The following DHRS12 variants were observed in gnomAD, a reference collection of about 807,000 sequenced individuals.
DHRS12 encodes dehydrogenase/reductase 12, also known as dehydrogenase/reductase SDR family member 12.
In DHRS12, 29 loss-of-function variants were observed where a neutral mutation model predicts 32.1. The ratio of observed to expected loss-of-function variants is 0.90; its 90% CI spans 0.67 to 1.23. The LOEUF (loss-of-function observed/expected upper bound fraction) is 1.23. Ranked by LOEUF, DHRS12 falls within the 50% of genes most tolerant of loss-of-function variation. The pLI is 0.00. For missense variants in DHRS12, 330 were observed against 337.2 expected, an observed-to-expected ratio of 0.98 and a Z score of 0.17; for synonymous variants, 150 against 135.9, an observed-to-expected ratio of 1.10 and a Z score of -0.72.
intron 1 of DHRS12, among the ~76,000 whole-genome samples, chr13:51,801,036 TTG>T (rs1168751979): frequency 6.6e-6 from 1 of 152,184 alleles, no homozygotes; most frequent in Non-Finnish European, 1.5e-5. Context: ...CTGTGCCATC[TTG>T]TGTGTTGATT....
At chr13:51,781,477 CAT>C (rs746283657) in intron 4 of DHRS12, among the ~76,000 whole-genome samples, 22 of 152,164 alleles carry the variant, frequency 1.4e-4, no homozygotes, top group South Asian at 4.1e-4. Flanking sequence ...AGGCATTACA[CAT>C]GTTACTACGT....
At chr13:51,767,321 C>CTTGA (rs1329549624), downstream of DHRS12, 23 of 152,354 alleles carry the variant, frequency 1.5e-4, 1 homozygote, top group African/African-American at 5.3e-4. Flanking sequence ...CTGGTGCTTG[C>CTTGA]TTGATAGCGC....
downstream of DHRS12, chr13:51,765,499 TA>T (rs1325074930): frequency 1.3e-5 from 2 of 152,204 alleles, no homozygotes. Context: ...AAAGGGAGAT[TA>T]AAGGCTTGAG....
chr13:51,798,983 AG>A (rs1955632167), intron 2 of DHRS12, among the ~76,000 whole-genome samples: 1 of 152,228 alleles, frequency 6.6e-6, no homozygotes, highest in African/African-American at 2.4e-5. Flanking sequence ...AGTCAAGCTT[AG>A]GGGAGGGAAG....
At chr13:51,758,406 C>G in the DHRS12 span, 7 of 752,396 alleles carry the variant, frequency 9.3e-6, no homozygotes, top group East Asian at 2.1e-4. Flanking sequence ...CCTTGGGTAG[C>G]CGGCCATGGT....
At chr13:51,769,344 TG>T (rs1198684452) in intron 7 of DHRS12, 51 bp from the exon 8 acceptor site, 3 of 1,343,164 alleles carry the variant, frequency 2.2e-6, no homozygotes, top group Non-Finnish European at 2.9e-6. Context: ...CCAGCAAATG[TG>T]GTTGACTTCC....
chr13:51,786,988 G>T (rs1195707387), intron 4 of DHRS12, among the ~76,000 whole-genome samples: 9 of 152,198 alleles, frequency 5.9e-5, no homozygotes, highest in Non-Finnish European at 1.0e-4. Context: ...TCCTGCTGAA[G>T]AATGACAGCA....
chr13:51,768,409 C>T (rs1953849951), intron 8 of DHRS12, 113 bp from the exon 9 acceptor site: 2 of 1,490,638 alleles, frequency 1.3e-6, no homozygotes, highest in African/African-American at 2.8e-5. Context: ...CAGCACCCTA[C>T]AGCTGTTAGA....
chr13:51,756,016 C>T, the DHRS12 span, among the ~76,000 whole-genome samples: 1 of 151,452 alleles, frequency 6.6e-6, no homozygotes, highest in East Asian at 2.0e-4. Flanking sequence ...TCTCAGACAC[C>T]CCGCTTTAAG....
Position 51,769,199 on chromosome 13 carries a change from G to C in DHRS12, c.654C>G (p.Leu218=). ...QGADTMLWLA[L]SSAAAAQPSG... ...TGGGCTGTGCGGCTGCGGCAGAGGA[G>C]AGGGCCAGCCACAGCATGGTGTCCG... is the stretch of plus-strand genomic sequence containing the variant. Residue 218 remains leucine, a synonymous_variant, in exon 8 of 9, where the codon CTC becomes CTG. Transcript: ENST00000444610. 6.4e-7 allele frequency: 1 copy of C among 1,564,662 alleles called. No individual in the cohort carries two copies. The highest frequency in any genetic ancestry group is 8.7e-7 in the Non-Finnish European group (1 of 1,155,962).
chr13:51,774,197 T>C, intron 5 of DHRS12, 163 bp from the exon 6 acceptor site: 2 of 612,338 alleles, frequency 3.3e-6, no homozygotes, highest in Non-Finnish European at 5.8e-6. Flanking sequence ...ACAGTACATG[T>C]ATTCTCCTAC....
intron 4 of DHRS12, among the ~76,000 whole-genome samples, chr13:51,784,551 AAAC>A (rs1464108961): frequency 6.6e-6 from 1 of 152,216 alleles, no homozygotes; most frequent in Non-Finnish European, 1.5e-5. Context: ...CTGGATGTTA[AAAC>A]AACATTAGCT....
At chr13:51,796,717 G>C (rs770057278) in intron 2 of DHRS12, among the ~76,000 whole-genome samples, 69 of 152,192 alleles carry the variant, frequency 4.5e-4, no homozygotes, top group Non-Finnish European at 7.6e-4. Flanking sequence ...ACCACCGAAA[G>C]TTATCAGCAG....
At chr13:51,762,614 A>C in the DHRS12 span, 1 of 152,222 alleles carries the variant, frequency 6.6e-6, no homozygotes, top group Non-Finnish European at 1.5e-5. Flanking sequence ...GGTGTCTTCC[A>C]AGCATTTTAT....
intron 6 of DHRS12, among the ~76,000 whole-genome samples, chr13:51,772,148 A>G (rs971660736): frequency 6.6e-6 from 1 of 152,088 alleles, no homozygotes; most frequent in Non-Finnish European, 1.5e-5. Flanking sequence ...GCAGCAAAAC[A>G]CTGAGAGAGA....
At chr13:51,789,579 AC>A (rs1955163973) in intron 4 of DHRS12, 1 of 985,330 alleles carries the variant, frequency 1.0e-6, no homozygotes, top group South Asian at 4.7e-5. Flanking sequence ...CTCTGCTATT[AC>A]AGAGTAGCAA....
chr13:51,764,306 G>A (rs1953679228), downstream of DHRS12: 3 of 152,356 alleles, frequency 2.0e-5, no homozygotes, highest in Admixed American at 1.3e-4. Flanking sequence ...TTATGATAGA[G>A]GCATGCCAGG....
chr13:51,795,598 G>A (rs961548102), intron 2 of DHRS12, among the ~76,000 whole-genome samples: 5 of 152,130 alleles, frequency 3.3e-5, no homozygotes, highest in African/African-American at 1.2e-4. Context: ...ACTCAACCAG[G>A]ATTGGTGAAG....
chr13:51,759,812 C>T, the DHRS12 span: 1,264 of 1,604,510 alleles, frequency 7.9e-4, 4 homozygotes, highest in African/African-American at 2.3e-3. Context: ...ACTAAAGAAA[C>T]GGTTGTTTTA....
Sources: gnomAD v4.1 joint callset for allele counts (sites outside exome capture counted in the v4.1 genomes callset) on GRCh38, gnomAD v4.1.1 for gene constraint, MANE v1.5 for transcripts, NCBI Gene and HGNC (gene_info 2026-07-23, HGNC 2026-07-21) for gene names.